The following CHCHD3 variants were observed in gnomAD, a reference collection of about 807,000 sequenced individuals.
CHCHD3 encodes the protein coiled-coil-helix-coiled-coil-helix domain containing 3, also known as MICOS complex subunit MIC19.
A neutral mutation model predicts 38.2 loss-of-function variants in CHCHD3; 20 were observed. That is an observed-to-expected ratio of 0.52 (90% confidence interval 0.37 to 0.76). The LOEUF (loss-of-function observed/expected upper bound fraction) is 0.76, where lower values mean the gene tolerates loss of function less well. Ranked by LOEUF, CHCHD3 falls within the 30% of genes least tolerant of loss-of-function variation. CHCHD3 has a pLI of 0.00. For missense variants in CHCHD3, 245 were observed against 279.2 expected (o/e 0.88, Z 0.87); for synonymous variants, 82 against 100.0 (o/e 0.82, Z 1.07).
At chr7:132,870,837 G>A (rs1023859404) in intron 5 of CHCHD3, among the ~76,000 whole-genome samples, 18 of 151,852 alleles carry the variant, frequency 1.2e-4, no homozygotes, top group Middle Eastern at 3.4e-3. Context: ...TCCCAACCAC[G>A]TAAAAACAAT....
chr7:132,972,415 A>C (rs1229979811), intron 4 of CHCHD3: 3 of 191,944 alleles, frequency 1.6e-5, no homozygotes, highest in Non-Finnish European at 9.6e-6. Flanking sequence ...CTCAGTGGGA[A>C]GTAAAAAGGA....
chr7:133,007,667 C>T (rs563790762), intron 3 of CHCHD3, among the ~76,000 whole-genome samples: 2 of 152,304 alleles, frequency 1.3e-5, no homozygotes, highest in South Asian at 4.1e-4. Flanking sequence ...TGCCCTGCTA[C>T]ATCTCTGCTG....
intron 7 of CHCHD3, among the ~76,000 whole-genome samples, chr7:132,796,135 G>C (rs1473803058): frequency 1.3e-5 from 2 of 152,054 alleles, no homozygotes; most frequent in Non-Finnish European, 2.9e-5. Context: ...CTAAAAGTAT[G>C]AGGAATGACC....
At chr7:132,874,739 GT>G (rs1174583027) in intron 5 of CHCHD3, among the ~76,000 whole-genome samples, 1 of 152,122 alleles carries the variant, frequency 6.6e-6, no homozygotes, top group East Asian at 1.9e-4. Flanking sequence ...TTCTGAGGAG[GT>G]TGGAATAATG....
Position 132,889,881 on chromosome 7 carries a change from C to T in CHCHD3, c.370-4136G>A, listed in dbSNP as rs563415498. 4.6e-5 allele frequency among the ~76,000 whole-genome samples: 7 copies of T among 152,208 alleles called. No individual in the cohort carries two copies. In the South Asian group the frequency reaches 6.2e-4, roughly 14 times the overall value. On this transcript the variant is annotated intron_variant, in intron 4 of 7. Transcript: ENST00000262570. ...AACCTACTGCAAGGAAATGAAACTC[C>T]GTAGAGCTCTCTAACAGAGAATCAC...
chr7:132,899,898 C>T (rs1809621352), intron 4 of CHCHD3, among the ~76,000 whole-genome samples: 1 of 152,228 alleles, frequency 6.6e-6, no homozygotes, highest in Non-Finnish European at 1.5e-5. Context: ...TTGGAATCTA[C>T]TAAGCAGCTA....
Position 132,868,446 on chromosome 7 carries a change from A to G in CHCHD3, c.453+17216T>C, listed in dbSNP as rs993429957. On this transcript the variant is annotated intron_variant, in intron 5 of 7. Coordinates refer to ENST00000262570, the MANE Select transcript of CHCHD3 (RefSeq NM_017812.4). ...TGAGTAATTTAGTCAAAAAAATTAC[A>G]TTCTTAAAAAAGGTTAACACAGCCG... is the stretch of plus-strand genomic sequence containing the variant. 5.9e-5 allele frequency among the ~76,000 whole-genome samples: 9 copies of G among 152,282 alleles called. 1 individual carries two copies. In the South Asian group the frequency reaches 1.0e-3, roughly 18 times the overall value.
At chr7:132,973,036 AT>A (rs1230745504) in intron 4 of CHCHD3, 3 of 985,264 alleles carry the variant, frequency 3.0e-6, no homozygotes, top group Non-Finnish European at 3.6e-6. Flanking sequence ...ATACTTTCAC[AT>A]TTTTTTGTGA....
At chr7:132,865,054 T>G (rs1412070747) in intron 5 of CHCHD3, among the ~76,000 whole-genome samples, 1 of 152,178 alleles carries the variant, frequency 6.6e-6, no homozygotes, top group East Asian at 1.9e-4. Context: ...AGGATTATGG[T>G]ACAAAGATGC....
intron 3 of CHCHD3, among the ~76,000 whole-genome samples, chr7:132,989,349 A>G (rs1812208591): frequency 6.6e-6 from 1 of 152,136 alleles, no homozygotes; most frequent in South Asian, 2.1e-4. Flanking sequence ...TCACAATAAA[A>G]TTTTGTTGCA....
chr7:132,965,857 T>C (rs1811452487), intron 4 of CHCHD3, among the ~76,000 whole-genome samples: 1 of 152,188 alleles, frequency 6.6e-6, no homozygotes, highest in Admixed American at 6.5e-5. Context: ...AGGGTAAGTA[T>C]GGAACTTTGT....
rs1281393698 is a variant in CHCHD3, at chr7:132,822,708, C to T, written c.524+15691G>A. ...ACAGTTGGAAGGAACAGTCACAATT[C>T]AAACCCCATCCATGTTACGGAAATA... On this transcript the variant is annotated intron_variant, in intron 6 of 7. Transcript: ENST00000262570. Among the ~76,000 whole-genome samples the T allele has an allele frequency of 3.9e-5, 6 of 152,142 alleles. No individual in the cohort carries two copies. The East Asian group carries it at 1.2e-3, about 29-fold the overall frequency.
At chr7:132,893,183 T>A (rs115135501) in intron 4 of CHCHD3, among the ~76,000 whole-genome samples, 2,377 of 152,300 alleles carry the variant, frequency 0.016, 65 homozygotes, top group African/African-American at 0.055. Context: ...GGCGAAGCTA[T>A]CTAAGGCCAT....
chr7:132,840,868 AT>A (rs1807922042), intron 5 of CHCHD3, among the ~76,000 whole-genome samples: 1 of 152,090 alleles, frequency 6.6e-6, no homozygotes, highest in Non-Finnish European at 1.5e-5. Context: ...ATTATTACTA[AT>A]TTTGTTAACT....
chr7:132,963,342 T>TTC (rs1485399309), intron 4 of CHCHD3, among the ~76,000 whole-genome samples: 1 of 142,384 alleles, frequency 7.0e-6, no homozygotes, highest in African/African-American at 2.6e-5. Flanking sequence ...TTTTTTTTTT[T>TTC]TTTTTTTTGC....
chr7:132,917,010 G>T (rs929733822), intron 4 of CHCHD3, among the ~76,000 whole-genome samples: 5 of 152,210 alleles, frequency 3.3e-5, no homozygotes, highest in African/African-American at 1.2e-4. Context: ...AATCCTCAGT[G>T]GGTAAGGGAA....
intron 3 of CHCHD3, among the ~76,000 whole-genome samples, chr7:132,983,716 A>C (rs1373061077): frequency 6.6e-6 from 1 of 152,152 alleles, no homozygotes; most frequent in Non-Finnish European, 1.5e-5. Flanking sequence ...TGCTCCCGAG[A>C]AGCAGAGAAA....
intron 6 of CHCHD3, among the ~76,000 whole-genome samples, chr7:132,817,990 C>A (rs1468761518): frequency 6.6e-6 from 1 of 152,116 alleles, no homozygotes; most frequent in Non-Finnish European, 1.5e-5. Context: ...GTGAGTCACC[C>A]ATTCCTTTGG....
At chr7:133,044,421 T>A (rs1813918012) in intron 2 of CHCHD3, among the ~76,000 whole-genome samples, 1 of 152,206 alleles carries the variant, frequency 6.6e-6, no homozygotes. Flanking sequence ...AATGCTTACA[T>A]TTTTAGGTTT....
Sources: gnomAD v4.1 joint callset for allele counts (sites outside exome capture counted in the v4.1 genomes callset) on GRCh38, gnomAD v4.1.1 for gene constraint, MANE v1.5 for transcripts, NCBI Gene and HGNC (gene_info 2026-07-23, HGNC 2026-07-21) for gene names.